The following STAM variants were observed in gnomAD, a reference collection of about 807,000 sequenced individuals.
The protein encoded by STAM is signal transducing adaptor molecule.
In STAM, 16 loss-of-function variants were observed where a neutral mutation model predicts 63.4. The ratio of observed to expected loss-of-function variants is 0.25; its 90% confidence interval spans 0.17 to 0.38. The LOEUF (loss-of-function observed/expected upper bound fraction) is 0.38, where lower values mean the gene tolerates loss of function less well. STAM is among the 10% of genes least tolerant of loss of function. The pLI is 1.00. For missense variants in STAM, 636 were observed against 657.1 expected (o/e 0.97, Z 0.35); for synonymous variants, 238 against 223.9 (o/e 1.06, Z -0.56).
At chr10:17,705,556 G>A in intron 11 of STAM, 32 bp from the exon 12 acceptor site, 1 of 1,596,354 alleles carries the variant, frequency 6.3e-7, no homozygotes, top group Non-Finnish European at 8.5e-7. Flanking sequence ...TTTAGTAACA[G>A]CTATGCTTCA....
chr10:17,646,279 T>A (rs199769248), intron 1 of STAM, among the ~76,000 whole-genome samples: 1 of 152,106 alleles, frequency 6.6e-6, no homozygotes, highest in Non-Finnish European at 1.5e-5. Flanking sequence ...TTCAGCCTTA[T>A]CCCTGGCCTT....
chr10:17,657,418 C>T (rs1833984989), intron 1 of STAM, among the ~76,000 whole-genome samples: 1 of 152,062 alleles, frequency 6.6e-6, no homozygotes, highest in Admixed American at 6.6e-5. Context: ...GAGATATTGG[C>T]CTATAGTTTT....
At position 17,693,258 on chromosome 10, in the gene STAM, G is replaced by A; in HGVS notation, c.481G>A (p.Ala161Thr). 1 of 1,613,600 alleles carries A rather than the reference G, an allele frequency of 6.2e-7. No individual in the cohort carries two copies. The highest frequency in any genetic ancestry group is 8.5e-7 in the Non-Finnish European group (1 of 1,179,852). Residue 161 changes from alanine (A) to threonine (T), a missense_variant, in exon 6 of 14, where the codon GCC becomes ACC. Transcript: ENST00000377524. ...EQAKASPALV[A>T]KDPGTVANKK... ...AGCAAAAGCAAGCCCAGCTCTTGTA[G>A]CCAAGGATCCTGGTACTGTGGCTAA...
At chr10:17,702,383 A>G (rs1836036430) in intron 9 of STAM, among the ~76,000 whole-genome samples, 1 of 152,206 alleles carries the variant, frequency 6.6e-6, no homozygotes, top group Admixed American at 6.5e-5. Context: ...ACAATTTGAA[A>G]TACATGACAG....
rs551653175 is a variant in STAM at position 17,698,302 on chromosome 10, T to C, written c.823+1433T>C. On this transcript the variant is annotated intron_variant, in intron 8 of 13. Transcript: ENST00000377524. Reference sequence around the variant, plus strand: ...TTAATAACCTGGGCTGGTAATGATGTTTTGTTTGTTTTTGGACTATTTTTT... The same window carrying C: ...TTAATAACCTGGGCTGGTAATGATGCTTTGTTTGTTTTTGGACTATTTTTT... Among the ~76,000 whole-genome samples, 170 of 152,212 alleles carry C rather than the reference T, an allele frequency of 1.1e-3. 3 individuals are homozygous for C. The South Asian group carries it at 0.034, about 31-fold the overall frequency.
At chr10:17,695,319 A>ATTTG in intron 7 of STAM, 78 bp downstream of exon 7, 3 of 1,337,376 alleles carry the variant, frequency 2.2e-6, no homozygotes, top group African/African-American at 1.5e-5. Flanking sequence ...TGTTGATTGC[A>ATTTG]GTTACCAAAT....
intron 2 of STAM, among the ~76,000 whole-genome samples, chr10:17,674,864 A>G (rs1834780309): frequency 6.6e-6 from 1 of 152,222 alleles, no homozygotes; most frequent in South Asian, 2.1e-4. Context: ...AATGAAAAAT[A>G]CCATTAGGAA....
Position 17,715,899 on chromosome 10 carries a change from G to T in STAM, c.*1119G>T, listed in dbSNP as rs1189371163. ...TTCATTAAAATGGAAATAAGTAGAT[G>T]TTTCAAAGTAATCTACATTCCTGGC... On this transcript the variant is annotated 3_prime_UTR_variant, in exon 14 of 14. Transcript: ENST00000377524. 6.6e-6 allele frequency: 1 copy of T among 152,584 alleles called. No homozygotes were observed. The highest frequency in any genetic ancestry group is 1.5e-5 in the Non-Finnish European group (1 of 68,028). The allele number at this position is 152,584 out of a possible 1,614,324, so 9.5% of individuals were successfully genotyped here.
intron 2 of STAM, among the ~76,000 whole-genome samples, chr10:17,668,304 T>G (rs1248336002): frequency 6.6e-6 from 1 of 152,128 alleles, no homozygotes; most frequent in Non-Finnish European, 1.5e-5. Context: ...GCAAGGGAAA[T>G]GAATGCACAT....
intron 12 of STAM, among the ~76,000 whole-genome samples, chr10:17,706,368 CCT>C: frequency 1.1e-5 from 1 of 88,906 alleles, no homozygotes; most frequent in South Asian, 4.6e-4. Flanking sequence ...GGGTTGAGGC[CCT>C]TTTTTTTTTT....
At chr10:17,714,336 A>G (rs141637385) in intron 13 of STAM, among the ~76,000 whole-genome samples, 307 of 151,794 alleles carry the variant, frequency 2.0e-3, no homozygotes, top group Non-Finnish European at 3.3e-3. Flanking sequence ...TTTTTACACA[A>G]TGGTTAAATA....
chr10:17,714,224 C>G (rs528532752), intron 13 of STAM, among the ~76,000 whole-genome samples: 17 of 152,152 alleles, frequency 1.1e-4, no homozygotes, highest in Admixed American at 2.0e-4. Context: ...CCAGTTAGAA[C>G]CACTTGACAC....
At chr10:17,692,742 C>T (rs561536388) in intron 5 of STAM, among the ~76,000 whole-genome samples, 13 of 152,168 alleles carry the variant, frequency 8.5e-5, no homozygotes, top group African/African-American at 2.4e-4. Context: ...GCATTTATAT[C>T]GTTTTATATA....
At chr10:17,686,343 T>C (rs1394883255) in intron 4 of STAM, among the ~76,000 whole-genome samples, 1 of 151,862 alleles carries the variant, frequency 6.6e-6, no homozygotes, top group Non-Finnish European at 1.5e-5. Flanking sequence ...TGTTTTACAG[T>C]GAACATATTG....
chr10:17,703,008 C>CAAAAAAAAAAAAAA (rs71507229), intron 9 of STAM, among the ~76,000 whole-genome samples: 2 of 67,852 alleles, frequency 2.9e-5, no homozygotes, highest in South Asian at 6.3e-4. Flanking sequence ...GACTCCATCT[C>CAAAAAAAAAAAAAA]AAAAAAAAAA....
intron 6 of STAM, among the ~76,000 whole-genome samples, chr10:17,693,666 G>C (rs1312371008): frequency 1.3e-5 from 2 of 152,146 alleles, no homozygotes; most frequent in Non-Finnish European, 2.9e-5. Flanking sequence ...TCCATTAACT[G>C]TTCTATAATA....
intron 1 of STAM, among the ~76,000 whole-genome samples, chr10:17,654,565 G>A (rs1833866742): frequency 6.6e-6 from 1 of 152,128 alleles, no homozygotes; most frequent in Non-Finnish European, 1.5e-5. Context: ...ATGACTTTTT[G>A]TGGCTTCATA....
chr10:17,679,180 G>A (rs545119746), intron 2 of STAM, among the ~76,000 whole-genome samples: 8 of 152,124 alleles, frequency 5.3e-5, no homozygotes, highest in South Asian at 4.2e-4. Flanking sequence ...CATTCCCACC[G>A]GCAATGTACA....
intron 1 of STAM, among the ~76,000 whole-genome samples, chr10:17,656,293 TAAA>T (rs34558527): frequency 6.3e-5 from 8 of 127,884 alleles, no homozygotes; most frequent in Non-Finnish European, 6.6e-5. Flanking sequence ...GACTCCGTCT[TAAA>T]AAAAAAAAAA....
Sources: allele counts gnomAD v4.1 joint callset (sites outside exome capture counted in the v4.1 genomes callset), GRCh38; gene constraint gnomAD v4.1.1; transcripts MANE v1.5; gene names NCBI Gene and HGNC (gene_info 2026-07-23, HGNC 2026-07-21).